The following GPC6 variants were observed in gnomAD, a reference collection of about 807,000 sequenced individuals.
GPC6 encodes the protein glypican 6, also known as glypican-6.
In GPC6, 14 loss-of-function variants were observed where a neutral mutation model predicts 55.2. The observed-to-expected ratio is 0.25, with a 90% CI of 0.17 to 0.40. The LOEUF is 0.40. GPC6 is among the 10% of genes least tolerant of loss of function. GPC6 has a pLI of 1.00. For missense variants in GPC6, 641 were observed against 708.5 expected, an observed-to-expected ratio of 0.90 and a Z score of 1.08; for synonymous variants, 278 against 259.6, an observed-to-expected ratio of 1.07 and a Z score of -0.68.
chr13:93,319,000 C>T (rs1209707931), intron 1 of GPC6, among the ~76,000 whole-genome samples: 1 of 152,026 alleles, frequency 6.6e-6, no homozygotes, highest in Non-Finnish European at 1.5e-5. Flanking sequence ...GAACACCATG[C>T]ACAGCTGGGG....
chr13:94,153,508 G>A (rs573366757), intron 4 of GPC6, among the ~76,000 whole-genome samples: 2 of 152,220 alleles, frequency 1.3e-5, no homozygotes, highest in African/African-American at 4.8e-5. Context: ...CTGAAAATGG[G>A]AAAGGGCAAA....
chr13:93,747,498 G>A (rs542178690), intron 2 of GPC6, among the ~76,000 whole-genome samples: 17 of 152,254 alleles, frequency 1.1e-4, no homozygotes, highest in African/African-American at 3.6e-4. Context: ...TGGCCCTGTC[G>A]CTGTCGCATT....
intron 1 of GPC6, among the ~76,000 whole-genome samples, chr13:93,464,046 A>G (rs1297057206): frequency 6.6e-6 from 1 of 152,218 alleles, no homozygotes; most frequent in Non-Finnish European, 1.5e-5. Flanking sequence ...TTTACACTAT[A>G]CTGTACACTG....
rs552871198 is a variant in GPC6 at position 94,033,325 on chromosome 13, T to C, written c.877+5431T>C. On this transcript the variant is annotated intron_variant, in intron 4 of 8. Coordinates refer to ENST00000377047, the MANE Select transcript of GPC6 (RefSeq NM_005708.5). ...ATTAGAGCCAGCCACAAGGAAGCTG[T>C]GTTAGGTCAGTCCAATGACTAATGT... Among the ~76,000 whole-genome samples the C allele has an allele frequency of 1.5e-4, 23 of 152,286 alleles. No individual in the cohort carries two copies. The South Asian group carries it at 2.1e-3, about 14-fold the overall frequency.
At chr13:94,292,420 G>A (rs1875037230) in intron 5 of GPC6, among the ~76,000 whole-genome samples, 1 of 152,122 alleles carries the variant, frequency 6.6e-6, no homozygotes, top group African/African-American at 2.4e-5. Context: ...GCAAAGCCAG[G>A]ACGACCCAAG....
At chr13:93,917,115 G>A (rs920068231) in intron 3 of GPC6, among the ~76,000 whole-genome samples, 1 of 152,062 alleles carries the variant, frequency 6.6e-6, no homozygotes, top group Admixed American at 6.5e-5. Context: ...CCAGCTCAGA[G>A]GACTCTTTTT....
At chr13:93,999,823 AAGTC>A (rs1312955290) in intron 3 of GPC6, among the ~76,000 whole-genome samples, 5 of 152,192 alleles carry the variant, frequency 3.3e-5, no homozygotes, top group Admixed American at 6.5e-5. Context: ...AAGGTTGAGT[AAGTC>A]AGATGTCCTG....
intron 2 of GPC6, among the ~76,000 whole-genome samples, chr13:93,549,759 T>C (rs1004026404): frequency 1.3e-5 from 2 of 152,052 alleles, no homozygotes. Flanking sequence ...AAGATTTGTT[T>C]TTAACTCCTA....
chr13:94,127,475 T>C (rs1886860038), intron 4 of GPC6, among the ~76,000 whole-genome samples: 1 of 152,074 alleles, frequency 6.6e-6, no homozygotes. Flanking sequence ...TCCTGAGGCC[T>C]CCCCAGAGGC....
At chr13:93,733,370 G>T (rs560871011) in intron 2 of GPC6, among the ~76,000 whole-genome samples, 1 of 151,788 alleles carries the variant, frequency 6.6e-6, no homozygotes, top group Admixed American at 6.6e-5. Context: ...GGTTCATGAC[G>T]ATGTGTTATA....
At chr13:93,881,071 C>T (rs1194322092) in intron 3 of GPC6, among the ~76,000 whole-genome samples, 6 of 152,016 alleles carry the variant, frequency 3.9e-5, no homozygotes, top group African/African-American at 1.2e-4. Flanking sequence ...TTATTAGCCA[C>T]GACCTTGAGA....
chr13:94,341,583 C>A, intron 6 of GPC6, among the ~76,000 whole-genome samples: 1 of 127,150 alleles, frequency 7.9e-6, no homozygotes. Flanking sequence ...AAAACTCCGT[C>A]TCAAAAAAAA....
chr13:93,780,380 G>T (rs1323777695), intron 2 of GPC6, among the ~76,000 whole-genome samples: 1 of 151,770 alleles, frequency 6.6e-6, no homozygotes, highest in Non-Finnish European at 1.5e-5. Flanking sequence ...TAAACAATTA[G>T]CTTAGCCATC....
intron 1 of GPC6, among the ~76,000 whole-genome samples, chr13:93,391,945 T>C (rs1046200349): frequency 6.6e-6 from 1 of 152,174 alleles, no homozygotes. Context: ...CTGAGCTGTA[T>C]TTTTTGAGCT....
Position 93,459,135 on chromosome 13 carries a change from C to T in GPC6, c.161-86128C>T, listed in dbSNP as rs111729554. Among the ~76,000 whole-genome samples the T allele has an allele frequency of 8.0e-3, 1,222 of 152,264 alleles. 18 individuals carry two copies. The highest frequency in any genetic ancestry group is 0.026 in the African/African-American group (1,094 of 41,522). On this transcript the variant is annotated intron_variant, in intron 1 of 8. Coordinates refer to ENST00000377047, the MANE Select transcript of GPC6 (RefSeq NM_005708.5). ...GTGCAGTGGTGCCATCATAGCTCAC[C>T]GCAGTCTTAACCTCCTGGATTCAAG...
chr13:93,754,806 G>A (rs4773761), intron 2 of GPC6, among the ~76,000 whole-genome samples: 101,418 of 151,900 alleles, frequency 0.67, 34,820 homozygotes, highest in African/African-American at 0.81. Flanking sequence ...GTTAATGTTA[G>A]TAACCTTTGA....
chr13:93,869,496 C>A (rs1442907284), intron 3 of GPC6, among the ~76,000 whole-genome samples: 1 of 151,780 alleles, frequency 6.6e-6, no homozygotes, highest in Non-Finnish European at 1.5e-5. Flanking sequence ...TGATGTAGAA[C>A]AAAGATCCAG....
At chr13:93,948,001 A>G (rs1228629021) in intron 3 of GPC6, among the ~76,000 whole-genome samples, 1 of 152,146 alleles carries the variant, frequency 6.6e-6, no homozygotes, top group Admixed American at 6.6e-5. Flanking sequence ...TTATTTGGCA[A>G]TATTATTGTA....
intron 2 of GPC6, among the ~76,000 whole-genome samples, chr13:93,787,326 A>T (rs7329113): frequency 6.6e-6 from 1 of 151,990 alleles, no homozygotes; most frequent in Non-Finnish European, 1.5e-5. Context: ...GGTCTCTGTT[A>T]TGACTATTCA....
Sources: gnomAD v4.1 joint callset for allele counts (sites outside exome capture counted in the v4.1 genomes callset) on GRCh38, gnomAD v4.1.1 for gene constraint, MANE v1.5 for transcripts, NCBI Gene and HGNC (gene_info 2026-07-23, HGNC 2026-07-21) for gene names.